The following RAP1B variants were observed in gnomAD, a reference collection of about 807,000 sequenced individuals.
RAP1B encodes the protein ras-related protein Rap-1b.
Under a neutral mutation model 27.5 loss-of-function variants are expected in RAP1B, and 1 was observed. That is an observed-to-expected ratio of 0.04 (90% CI 0.01 to 0.17). The LOEUF (loss-of-function observed/expected upper bound fraction) is 0.17, where lower values mean the gene tolerates loss of function less well. Ranked by LOEUF, RAP1B falls within the 10% of genes least tolerant of loss-of-function variation. RAP1B has a pLI of 1.00. For synonymous variants in RAP1B, 75 were observed against 73.1 expected (o/e 1.03, Z -0.13); for missense variants, 84 against 214.8 (o/e 0.39, Z 3.81).
chr12:68,618,873 T>C (rs949967054), intron 1 of RAP1B, among the ~76,000 whole-genome samples: 1 of 152,124 alleles, frequency 6.6e-6, no homozygotes, highest in African/African-American at 2.4e-5. Context: ...GGCGAGGCCA[T>C]GGACAGCAAG....
rs1217045577 is a variant in RAP1B, at chr12:68,667,510, TC to T, written c.*8262del. On this transcript the variant is annotated 3_prime_UTR_variant, in exon 8 of 8. Coordinates refer to ENST00000250559, the MANE Select transcript of RAP1B (RefSeq NM_001010942.3). Reference sequence around the variant, plus strand: ...GGGGTTTTTATATGTGTTAGTACATTCAGCGTTAGGGTTGGGTTTCTTGTCT... The same window carrying T: ...GGGGTTTTTATATGTGTTAGTACATTAGCGTTAGGGTTGGGTTTCTTGTCT... 4.6e-5 allele frequency: 7 copies of T among 152,216 alleles called. No homozygotes were observed. The highest frequency in any genetic ancestry group is 1.0e-4 in the Non-Finnish European group (7 of 68,042). 9.4% of individuals were successfully genotyped at this position (152,216 alleles called of 1,614,324 possible).
rs568217982 is a variant in RAP1B at position 68,642,513 on chromosome 12, T to G, written c.-26-6186T>G. 8.1e-5 allele frequency: 78 copies of G among 961,754 alleles called. No individual in the cohort carries two copies. In the African/African-American group the frequency reaches 1.0e-3, roughly 13 times the overall value. 59.6% of individuals were successfully genotyped at this position (961,754 alleles called of 1,614,324 possible). A position where few individuals can be genotyped will look rare whatever the true frequency, so the allele number is the denominator to read the frequency against. ...GCCAGAACTTCCTCCTGGACTCAAT[T>G]TTATAAATTCTCGATTAGTTGGTGA... On this transcript the variant is annotated intron_variant, in intron 1 of 7. Transcript: ENST00000250559.
In RAP1B at chr12:68,625,922, A is replaced by G. The variant is rs528765605; in HGVS notation, c.-27+14879A>G. On this transcript the variant is annotated intron_variant, in intron 1 of 7. Transcript: ENST00000250559. Reference sequence around the variant, plus strand: ...GGCGATAGAGCGAGACTCTGTCTCAAAAAAAAAAAAAAAGTTTCAGGTGTA... The same window carrying G: ...GGCGATAGAGCGAGACTCTGTCTCAGAAAAAAAAAAAAAGTTTCAGGTGTA... Among the ~76,000 whole-genome samples the G allele has an allele frequency of 3.8e-4, 49 of 130,238 alleles. 1 individual carries two copies. Among genetic ancestry groups the G allele is most frequent in the Admixed American group, 2.8e-3 (39 of 14,046 alleles). 85.4% of individuals were successfully genotyped at this position (130,238 alleles called of 152,430 possible).
At chr12:68,621,252 A>ATT (rs1871365043) in intron 1 of RAP1B, among the ~76,000 whole-genome samples, 3 of 150,520 alleles carry the variant, frequency 2.0e-5, no homozygotes, top group Non-Finnish European at 4.5e-5. Context: ...CCCTATATTA[A>ATT]ATAATTAACT....
intron 1 of RAP1B, among the ~76,000 whole-genome samples, chr12:68,640,876 A>G (rs1300499766): frequency 6.6e-6 from 1 of 152,194 alleles, no homozygotes; most frequent in Non-Finnish European, 1.5e-5. Context: ...TCTTTGATTC[A>G]TGTCTTCAGG....
At chr12:68,618,537 T>A (rs1366374916) in intron 1 of RAP1B, among the ~76,000 whole-genome samples, 1 of 152,116 alleles carries the variant, frequency 6.6e-6, no homozygotes, top group Non-Finnish European at 1.5e-5. Flanking sequence ...ATCCTGGAGG[T>A]CCCCTAGACA....
At chr12:68,627,959 T>G (rs1160611991) in intron 1 of RAP1B, among the ~76,000 whole-genome samples, 1 of 151,968 alleles carries the variant, frequency 6.6e-6, no homozygotes, top group Non-Finnish European at 1.5e-5. Context: ...AAAAAAAAAT[T>G]TAATCAGGCA....
intron 1 of RAP1B, among the ~76,000 whole-genome samples, chr12:68,617,379 A>C (rs1871100995): frequency 6.6e-6 from 1 of 152,206 alleles, no homozygotes; most frequent in Admixed American, 6.5e-5. Context: ...CAATAGCAAA[A>C]TGCAGGAATT....
rs1874736645 is a variant in RAP1B, at chr12:68,663,932, G to T, written c.*4683G>T. ...CAACTTTCTAAGAGAAAATTGTAATGATTTTAGAAAAGTGAGCTGTCATTT... is the reference window on the plus strand; with the variant it reads ...CAACTTTCTAAGAGAAAATTGTAATTATTTTAGAAAAGTGAGCTGTCATTT... On this transcript the variant is annotated 3_prime_UTR_variant, in exon 8 of 8. Coordinates refer to ENST00000250559, the MANE Select transcript of RAP1B (RefSeq NM_001010942.3). The T allele has an allele frequency of 6.6e-6, 1 of 152,068 alleles. No individual in the cohort carries two copies. Among genetic ancestry groups the T allele is most frequent in the African/African-American group, 2.4e-5 (1 of 41,394 alleles). 9.4% of individuals were successfully genotyped at this position (152,068 alleles called of 1,614,324 possible). A position where few individuals can be genotyped will look rare whatever the true frequency, so the allele number is the denominator to read the frequency against.
Position 68,661,392 on chromosome 12 carries a change from C to A in RAP1B, c.*2143C>A, listed in dbSNP as rs1874586027. ...TACCAGCTATGTACCAGGCCCAGTT[C>A]TAGGCTCAAACAGCTAAATATTCAT... On this transcript the variant is annotated 3_prime_UTR_variant, in exon 8 of 8. Transcript: ENST00000250559. 1 of 152,112 alleles carries A rather than the reference C, an allele frequency of 6.6e-6. No homozygotes were observed. The highest frequency in any genetic ancestry group is 1.5e-5 in the Non-Finnish European group (1 of 68,026). 9.4% of individuals were successfully genotyped at this position (152,112 alleles called of 1,614,324 possible). A position where few individuals can be genotyped will look rare whatever the true frequency, so the allele number is the denominator to read the frequency against.
chr12:68,661,623 C>CTAGA lies in RAP1B; in HGVS notation c.*2376_*2379dup, dbSNP rs1874598614. The CTAGA allele has an allele frequency of 6.6e-6, 1 of 151,904 alleles. No individual in the cohort carries two copies. Among genetic ancestry groups the CTAGA allele is most frequent in the African/African-American group, 2.4e-5 (1 of 41,330 alleles). The allele number at this position is 151,904 out of a possible 1,614,324, so 9.4% of individuals were successfully genotyped here. On this transcript the variant is annotated 3_prime_UTR_variant, in exon 8 of 8. Transcript: ENST00000250559. ...TTATAGGAATTTTAATATCTGCCCACTAGATGCCAGTCACACCACCCCAGC... is the reference window on the plus strand; with the variant it reads ...TTATAGGAATTTTAATATCTGCCCACTAGATAGATGCCAGTCACACCACCCCAGC...
Position 68,636,613 on chromosome 12 carries a change from A to G in RAP1B, c.-26-12086A>G, listed in dbSNP as rs144458376. Among the ~76,000 whole-genome samples, 522 of 152,090 alleles carry G rather than the reference A, an allele frequency of 3.4e-3. 10 individuals carry two copies. The highest frequency in any genetic ancestry group is 2.6e-3 in the Admixed American group (40 of 15,272). On this transcript the variant is annotated intron_variant, in intron 1 of 7. Transcript: ENST00000250559. The stretch of plus-strand genomic sequence containing the variant: ...CAGCTACTTTATAAATTTTTTGTAG[A>G]AGTGTGGTTTTGCTGTGTTGTCCAG...
At chr12:68,615,775 G>GTA (rs1474626585) in intron 1 of RAP1B, among the ~76,000 whole-genome samples, 15 of 152,012 alleles carry the variant, frequency 9.9e-5, no homozygotes, top group East Asian at 9.7e-4. Flanking sequence ...TTATACATGT[G>GTA]TATATATATA....
intron 2 of RAP1B, chr12:68,649,640 G>A (rs1873669015): frequency 6.6e-6 from 1 of 152,190 alleles, no homozygotes; most frequent in South Asian, 2.1e-4. Context: ...TGGCCACTTA[G>A]AAAGGCCACC....
chr12:68,644,445 G>A (rs1191039564), intron 1 of RAP1B, among the ~76,000 whole-genome samples: 5 of 151,852 alleles, frequency 3.3e-5, no homozygotes, highest in East Asian at 2.0e-4. Context: ...TTAGCTGGGC[G>A]TGATGGTGGG....
intron 1 of RAP1B, among the ~76,000 whole-genome samples, chr12:68,636,720 C>T (rs1216679871): frequency 1.4e-5 from 2 of 143,432 alleles, no homozygotes; most frequent in East Asian, 4.2e-4. Context: ...ATGCCTATCC[C>T]TGCTGTTTTT....
chr12:68,614,757 A>G (rs754908006), intron 1 of RAP1B, among the ~76,000 whole-genome samples: 4 of 152,198 alleles, frequency 2.6e-5, no homozygotes, highest in African/African-American at 7.2e-5. Context: ...TAGTTCAGCC[A>G]TCTGTAAACA....
chr12:68,655,437 T>C (rs1332524943), intron 5 of RAP1B, among the ~76,000 whole-genome samples: 1 of 152,184 alleles, frequency 6.6e-6, no homozygotes, highest in African/African-American at 2.4e-5. Context: ...ACAAGGGAAT[T>C]TGGGGGGACC....
intron 3 of RAP1B, 115 bp from the exon 4 acceptor site, chr12:68,651,880 T>C (rs1485478231): frequency 2.7e-6 from 2 of 737,890 alleles, no homozygotes; most frequent in Non-Finnish European, 2.3e-6. Context: ...GATATTAGTT[T>C]GTAAAGTTGT....
Sources: allele counts gnomAD v4.1 joint callset (sites outside exome capture counted in the v4.1 genomes callset), GRCh38; gene constraint gnomAD v4.1.1; transcripts MANE v1.5; gene names NCBI Gene and HGNC (gene_info 2026-07-23, HGNC 2026-07-21).